The following RYR3 variants were observed in gnomAD, a reference collection of about 807,000 sequenced individuals.
RYR3 encodes ryanodine receptor 3.
A neutral mutation model predicts 584.3 loss-of-function variants in RYR3; 207 were observed. The observed-to-expected ratio is 0.35, with a 90% CI of 0.32 to 0.40. The LOEUF (loss-of-function observed/expected upper bound fraction) is 0.40, where lower values mean the gene tolerates loss of function less well. RYR3 is among the 10% of genes least tolerant of loss of function. The probability of loss-of-function intolerance (pLI) is 1.00; values close to 1 mark genes in which losing one functional copy is unlikely to be tolerated. For synonymous variants in RYR3, 2,416 were observed against 2,248.5 expected, an observed-to-expected ratio of 1.07 and a Z score of -2.11; for missense variants, 5,616 against 6,089.2, an observed-to-expected ratio of 0.92 and a Z score of 2.59.
At chr15:33,837,484 G>A (rs2078119390) in intron 88 of RYR3, 147 bp from the exon 89 acceptor site, 2 of 832,628 alleles carry the variant, frequency 2.4e-6, no homozygotes, top group African/African-American at 3.4e-5. Context: ...TAGTCTTTAT[G>A]GCTTGCTGCT....
intron 1 of RYR3, among the ~76,000 whole-genome samples, chr15:33,421,386 C>T (rs1436025924): frequency 6.6e-6 from 1 of 152,054 alleles, no homozygotes; most frequent in South Asian, 2.1e-4. Context: ...TGTATGAATC[C>T]AGGTGAAAAA....
At chr15:33,845,137 T>C (rs1316925436) in intron 93 of RYR3, 75 bp downstream of exon 93, 1 of 1,498,306 alleles carries the variant, frequency 6.7e-7, no homozygotes, top group African/African-American at 1.4e-5. Context: ...AGCCAGCCCT[T>C]TGCTCTAAGA....
At chr15:33,699,314 T>G (rs978131063) in intron 40 of RYR3, among the ~76,000 whole-genome samples, 1 of 133,446 alleles carries the variant, frequency 7.5e-6, no homozygotes, top group Non-Finnish European at 1.6e-5. Flanking sequence ...CACTCTTTCC[T>G]CACTTTCTCT....
intron 22 of RYR3, among the ~76,000 whole-genome samples, chr15:33,630,335 G>GA (rs908295890): frequency 8.6e-5 from 13 of 151,930 alleles, no homozygotes; most frequent in Non-Finnish European, 1.3e-4. Context: ...TTAAATAAAG[G>GA]AAAAAAAATG....
intron 2 of RYR3, among the ~76,000 whole-genome samples, chr15:33,476,617 A>G (rs1487261149): frequency 6.6e-6 from 1 of 152,208 alleles, no homozygotes; most frequent in African/African-American, 2.4e-5. Context: ...TAAAAAAATA[A>G]TATGCCTATG....
intron 49 of RYR3, among the ~76,000 whole-genome samples, 190 bp downstream of exon 49, chr15:33,736,515 T>C (rs1198088340): frequency 6.6e-6 from 1 of 152,080 alleles, no homozygotes; most frequent in Non-Finnish European, 1.5e-5. Context: ...TTGAAGAAAA[T>C]TGCTCCAATT....
At chr15:33,480,882 A>G (rs1156237119) in intron 2 of RYR3, among the ~76,000 whole-genome samples, 3 of 152,166 alleles carry the variant, frequency 2.0e-5, no homozygotes, top group African/African-American at 4.8e-5. Flanking sequence ...CAAATCTTCT[A>G]TGTCCTTACT....
chr15:33,381,333 C>T (rs766702076), intron 1 of RYR3, among the ~76,000 whole-genome samples: 12 of 152,164 alleles, frequency 7.9e-5, no homozygotes, highest in Non-Finnish European at 1.8e-4. Context: ...CAGCCGAACC[C>T]CTGGAAAGGA....
chr15:33,561,858 C>A (rs73386540), intron 10 of RYR3, among the ~76,000 whole-genome samples: 2,275 of 151,486 alleles, frequency 0.015, 59 homozygotes, highest in African/African-American at 0.053. Context: ...AAGATTGTAC[C>A]ACTGTCCTCC....
At chr15:33,821,196 C>T in intron 78 of RYR3, 74 bp from the exon 79 acceptor site, 1 of 1,202,490 alleles carries the variant, frequency 8.3e-7, no homozygotes, top group Non-Finnish European at 1.2e-6. Flanking sequence ...AAAATTCTCT[C>T]TCACCTCACT....
chr15:33,788,409 G>A lies in RYR3; in HGVS notation c.9781G>A (p.Asp3261Asn), dbSNP rs2074875418. Residue 3261 changes from aspartate (D) to asparagine (N), a missense_variant, in exon 67 of 104, where the codon GAT becomes AAT. Transcript: ENST00000634891. ...GGACGAGTTCGCGGTCCTCTGCAGA[G>A]ATCTCTATGCCTTCTACCCCATGCT... ...ILDEFAVLCR[D>N]LYAFYPMLIR... 1.9e-6 allele frequency: 3 copies of A among 1,613,868 alleles called. No homozygotes were observed. The highest frequency in any genetic ancestry group is 2.5e-6 in the Non-Finnish European group (3 of 1,179,866).
At chr15:33,656,644 C>T (rs11072588) in intron 32 of RYR3, among the ~76,000 whole-genome samples, 34,609 of 152,104 alleles carry the variant, frequency 0.23, 4,132 homozygotes, top group Admixed American at 0.3. Flanking sequence ...TCTGGAGGCT[C>T]TAAGGTGAAT....
intron 72 of RYR3, among the ~76,000 whole-genome samples, chr15:33,811,665 T>C (rs1475688594): frequency 6.6e-6 from 1 of 151,926 alleles, no homozygotes; most frequent in Non-Finnish European, 1.5e-5. Flanking sequence ...CATTTCCCAT[T>C]ATGTGAACGT....
chr15:33,446,740 C>G (rs943057405), intron 1 of RYR3, among the ~76,000 whole-genome samples: 1 of 152,222 alleles, frequency 6.6e-6, no homozygotes. Flanking sequence ...TGGAGAAGCA[C>G]AGTTCAGCCC....
At chr15:33,652,959 C>G (rs961555402) in intron 32 of RYR3, 76 bp downstream of exon 32, 5 of 1,417,498 alleles carry the variant, frequency 3.5e-6, no homozygotes, top group Middle Eastern at 3.8e-4. Context: ...GTTCTCCGTA[C>G]TCAGCATTCC....
chr15:33,563,353 T>A (rs1024271983), intron 11 of RYR3, among the ~76,000 whole-genome samples: 1 of 152,224 alleles, frequency 6.6e-6, no homozygotes, highest in African/African-American at 2.4e-5. Context: ...ATAATTGAGT[T>A]ATTGTGCAGT....
rs1223239503 is a variant in RYR3 at position 33,746,195 on chromosome 15, C to A, written c.7989+38C>A. On this transcript the variant is annotated intron_variant, in intron 53 of 103. Transcript: ENST00000634891. Reference sequence around the variant, plus strand: ...CCTCTGGTAACACTGTGTGACCATGCTGTTTCCTTCCTTGAGTGATTTTAT... The same window carrying A: ...CCTCTGGTAACACTGTGTGACCATGATGTTTCCTTCCTTGAGTGATTTTAT... 2.2e-6 allele frequency: 3 copies of A among 1,367,438 alleles called. No individual in the cohort carries two copies. The Admixed American group carries it at 5.8e-5, about 26-fold the overall frequency. 84.7% of individuals were successfully genotyped at this position (1,367,438 alleles called of 1,614,324 possible).
chr15:33,508,886 ATT>A (rs2052716232), intron 3 of RYR3, among the ~76,000 whole-genome samples: 1 of 152,180 alleles, frequency 6.6e-6, no homozygotes, highest in South Asian at 2.1e-4. Flanking sequence ...GGTGTGGCAC[ATT>A]TGTCATATGT....
chr15:33,437,222 A>G (rs1023273171), intron 1 of RYR3, among the ~76,000 whole-genome samples: 4 of 152,110 alleles, frequency 2.6e-5, no homozygotes, highest in Non-Finnish European at 5.9e-5. Context: ...AGTTTGTCTC[A>G]TGCAATAAGT....
Sources: allele counts gnomAD v4.1 joint callset (sites outside exome capture counted in the v4.1 genomes callset), GRCh38; gene constraint gnomAD v4.1.1; transcripts MANE v1.5; gene names NCBI Gene and HGNC (gene_info 2026-07-23, HGNC 2026-07-21).